ADAMTS19: variants seen among roughly 807,000 people sequenced by gnomAD.
The protein encoded by ADAMTS19 is ADAM metallopeptidase with thrombospondin type 1 motif 19, also known as A disintegrin and metalloproteinase with thrombospondin motifs 19.
In ADAMTS19, 93 loss-of-function variants were observed where a neutral mutation model predicts 153.3. That is an observed-to-expected ratio of 0.61 (90% CI 0.51 to 0.72). The LOEUF is 0.72. ADAMTS19 is among the 30% of genes least tolerant of loss of function. The pLI, the probability that ADAMTS19 is intolerant of heterozygous loss-of-function variation, is 0.00. For synonymous variants in ADAMTS19, 600 were observed against 556.6 expected (o/e 1.08, Z -1.10); for missense variants, 1,482 against 1,552.1 (o/e 0.95, Z 0.76).
intron 2 of ADAMTS19, among the ~76,000 whole-genome samples, chr5:129,475,043 C>G (rs1580985684): frequency 6.6e-6 from 1 of 150,662 alleles, no homozygotes; most frequent in East Asian, 1.9e-4. Flanking sequence ...GCTATCTATT[C>G]AGTTTCTTAA....
chr5:129,735,597 T>TC (rs1325920587), intron 22 of ADAMTS19, among the ~76,000 whole-genome samples: 1 of 152,072 alleles, frequency 6.6e-6, no homozygotes, highest in African/African-American at 2.4e-5. Flanking sequence ...AGTTCTATTT[T>TC]CTTTTTAAGT....
At chr5:129,522,360 T>TAC (rs1751854997) in intron 3 of ADAMTS19, among the ~76,000 whole-genome samples, 1 of 137,454 alleles carries the variant, frequency 7.3e-6, no homozygotes, top group Non-Finnish European at 1.6e-5. Context: ...TATATATATA[T>TAC]ATATATGATC....
chr5:129,629,776 AGGCCATCT>A (rs2126997573), intron 10 of ADAMTS19, among the ~76,000 whole-genome samples: 1 of 152,202 alleles, frequency 6.6e-6, no homozygotes, highest in Admixed American at 6.6e-5. Context: ...GGGTACCTTT[AGGCCATCT>A]GGCATCTTGT....
chr5:129,538,980 A>C (rs1374131653), intron 6 of ADAMTS19, among the ~76,000 whole-genome samples: 1 of 152,098 alleles, frequency 6.6e-6, no homozygotes, highest in Admixed American at 6.6e-5. Flanking sequence ...TAAGGTAATC[A>C]ATGTTAAGAG....
intron 14 of ADAMTS19, among the ~76,000 whole-genome samples, chr5:129,657,603 G>A (rs960414330): frequency 7.9e-5 from 12 of 152,220 alleles, no homozygotes; most frequent in Admixed American, 6.5e-4. Context: ...TCTTCTGGGG[G>A]CTTATAAAAA....
intron 14 of ADAMTS19, among the ~76,000 whole-genome samples, chr5:129,656,005 C>T (rs553526400): frequency 1.6e-4 from 25 of 152,260 alleles, no homozygotes; most frequent in African/African-American, 5.8e-4. Context: ...GCTTTCATCT[C>T]ATCATTATAT....
At chr5:129,646,739 C>G (rs566658462) in intron 11 of ADAMTS19, among the ~76,000 whole-genome samples, 131 of 152,226 alleles carry the variant, frequency 8.6e-4, no homozygotes, top group Non-Finnish European at 1.6e-3. Flanking sequence ...TCCTCAAAAT[C>G]CTTTGTAAAT....
chr5:129,621,092 C>T (rs944063113), intron 9 of ADAMTS19, among the ~76,000 whole-genome samples: 22 of 152,226 alleles, frequency 1.4e-4, no homozygotes, highest in African/African-American at 5.3e-4. Context: ...TCACCCAGCA[C>T]GTCTATTATC....
chr5:129,721,066 G>T (rs246246), intron 21 of ADAMTS19, among the ~76,000 whole-genome samples: 143,588 of 152,300 alleles, frequency 0.94, 67,797 homozygotes, highest in East Asian at 1. Flanking sequence ...GGGCACTTTA[G>T]AAATTTGTGG....
intron 10 of ADAMTS19, among the ~76,000 whole-genome samples, chr5:129,637,296 C>T (rs1561618622): frequency 2.0e-5 from 3 of 151,834 alleles, no homozygotes; most frequent in East Asian, 1.9e-4. Context: ...ATTAATGTGC[C>T]GAAGTATATT....
chr5:129,510,731 A>C (rs1751413102), intron 3 of ADAMTS19, among the ~76,000 whole-genome samples: 1 of 151,784 alleles, frequency 6.6e-6, no homozygotes, highest in African/African-American at 2.4e-5. Context: ...CTCTGATGAC[A>C]CAAAGCAGGC....
intron 7 of ADAMTS19, among the ~76,000 whole-genome samples, chr5:129,575,710 T>C (rs1171664530): frequency 6.6e-6 from 1 of 152,132 alleles, no homozygotes; most frequent in Non-Finnish European, 1.5e-5. Flanking sequence ...AGTTGTGTAA[T>C]CTACCATGTA....
intron 7 of ADAMTS19, among the ~76,000 whole-genome samples, chr5:129,591,451 C>A (rs1249058907): frequency 6.6e-6 from 1 of 151,932 alleles, no homozygotes; most frequent in Non-Finnish European, 1.5e-5. Flanking sequence ...CACCACCACG[C>A]CTGGTTAATT....
chr5:129,682,891 T>C (rs1447173834), intron 17 of ADAMTS19, among the ~76,000 whole-genome samples: 1 of 152,012 alleles, frequency 6.6e-6, no homozygotes, highest in Non-Finnish European at 1.5e-5. Context: ...AACAAAACTC[T>C]GAGAAAAAGA....
intron 2 of ADAMTS19, among the ~76,000 whole-genome samples, chr5:129,462,693 C>T (rs1436290678): frequency 6.6e-6 from 1 of 151,986 alleles, no homozygotes; most frequent in African/African-American, 2.4e-5. Flanking sequence ...GCATTAAGTA[C>T]ATTCACGTTG....
chr5:129,609,339 T>C (rs928377720), intron 8 of ADAMTS19, among the ~76,000 whole-genome samples: 1 of 152,192 alleles, frequency 6.6e-6, no homozygotes, highest in South Asian at 2.1e-4. Flanking sequence ...GATTCATTGT[T>C]AGGGTTTGTG....
At position 129,701,409 on chromosome 5, in the gene ADAMTS19, C is replaced by A. The variant is rs1755842808; in HGVS notation, c.2976C>A (p.Thr992=). Residue 992 remains threonine, a synonymous_variant, in exon 20 of 23, where the codon ACC becomes ACA. Transcript: ENST00000274487. ...TCAGGTGGATGATGACAGAATGGAC[C>A]CCTTGTTCACGAACTTGTGGAAAAG... ...CQTRWMMTEW[T]PCSRTCGKGM... 6.2e-7 allele frequency: 1 copy of A among 1,613,984 alleles called. No homozygotes were observed. The highest frequency in any genetic ancestry group is 1.3e-5 in the African/African-American group (1 of 74,896).
intron 10 of ADAMTS19, among the ~76,000 whole-genome samples, chr5:129,635,239 T>C (rs1162072552): frequency 1.3e-5 from 2 of 152,124 alleles, no homozygotes; most frequent in African/African-American, 4.8e-5. Flanking sequence ...ATGGCTACTA[T>C]TAAAATGTCA....
chr5:129,499,124 T>C (rs1285316267), intron 2 of ADAMTS19, among the ~76,000 whole-genome samples: 1 of 152,086 alleles, frequency 6.6e-6, no homozygotes, highest in Non-Finnish European at 1.5e-5. Context: ...ATTCGCTCCC[T>C]ATATTTAACA....
Sources: gnomAD v4.1 joint callset for allele counts (sites outside exome capture counted in the v4.1 genomes callset) on GRCh38, gnomAD v4.1.1 for gene constraint, MANE v1.5 for transcripts, NCBI Gene and HGNC (gene_info 2026-07-23, HGNC 2026-07-21) for gene names.